The following UNC5C variants were observed in gnomAD, a reference collection of about 807,000 sequenced individuals.
The protein encoded by UNC5C is unc-5 netrin receptor C, also known as netrin receptor UNC5C.
Under a neutral mutation model 99.8 loss-of-function variants are expected in UNC5C, and 47 were observed. The observed-to-expected ratio is 0.47, with a 90% CI of 0.37 to 0.60. The LOEUF is 0.60. UNC5C is among the 20% of genes least tolerant of loss of function. The pLI is 0.00. For synonymous variants in UNC5C, 487 were observed against 452.2 expected (o/e 1.08, Z -0.98); for missense variants, 1,062 against 1,165.9 (o/e 0.91, Z 1.30).
intron 12 of UNC5C, among the ~76,000 whole-genome samples, chr4:95,198,397 T>A (rs1306830320): frequency 6.6e-6 from 1 of 152,104 alleles, no homozygotes; most frequent in East Asian, 1.9e-4. Context: ...CAGGTGGAGA[T>A]CTTGGCAGTG....
chr4:95,358,277 A>G (rs1744279067), intron 1 of UNC5C, among the ~76,000 whole-genome samples: 1 of 152,150 alleles, frequency 6.6e-6, no homozygotes, highest in African/African-American at 2.4e-5. Context: ...TTAAAATCAT[A>G]GTTTCCTTGT....
chr4:95,216,889 T>C (rs1363923660), intron 9 of UNC5C, among the ~76,000 whole-genome samples: 1 of 152,218 alleles, frequency 6.6e-6, no homozygotes, highest in Non-Finnish European at 1.5e-5. Flanking sequence ...AAACCACAGA[T>C]TACTGGTCCC....
intron 1 of UNC5C, among the ~76,000 whole-genome samples, chr4:95,359,512 T>C (rs1301001013): frequency 6.6e-6 from 1 of 152,074 alleles, no homozygotes; most frequent in African/African-American, 2.4e-5. Flanking sequence ...GAGAGAAGTT[T>C]TCTTTATGAA....
At chr4:95,538,171 T>G (rs559144367) in intron 1 of UNC5C, among the ~76,000 whole-genome samples, 46 of 152,310 alleles carry the variant, frequency 3.0e-4, no homozygotes, top group African/African-American at 1.1e-3. Flanking sequence ...ATGTATGTAG[T>G]TTTAGGGAAA....
At chr4:95,212,155 T>C (rs1447607753) in intron 10 of UNC5C, among the ~76,000 whole-genome samples, 4 of 152,206 alleles carry the variant, frequency 2.6e-5, no homozygotes, top group African/African-American at 9.7e-5. Context: ...TTATATTTAA[T>C]AGATGTATAT....
chr4:95,242,528 T>G lies in UNC5C; in HGVS notation c.1009A>C (p.Arg337=). The part of the protein sequence containing the change: ...TCGTECTHWR[R]RECTAPAPKN... ...GGGGCTGGCGCCGTGCACTCCCTCC[T>G]GCGCCAGTGGGTGCACTCAGTTCCA... Residue 337 remains arginine (R), a synonymous_variant, in exon 7 of 16, where the codon AGG becomes CGG. Coordinates refer to ENST00000453304, the MANE Select transcript of UNC5C (RefSeq NM_003728.4). The G allele has an allele frequency of 6.2e-7, 1 of 1,612,702 alleles. No individual in the cohort carries two copies. The highest frequency in any genetic ancestry group is 2.2e-5 in the East Asian group (1 of 44,842).
intron 7 of UNC5C, among the ~76,000 whole-genome samples, chr4:95,236,109 A>C (rs1225293326): frequency 1.3e-5 from 2 of 152,234 alleles, no homozygotes; most frequent in Non-Finnish European, 2.9e-5. Flanking sequence ...ATTATAAATC[A>C]TGCTGCTATA....
chr4:95,407,589 G>A (rs557786015), intron 1 of UNC5C, among the ~76,000 whole-genome samples: 1 of 152,260 alleles, frequency 6.6e-6, no homozygotes, highest in South Asian at 2.1e-4. Flanking sequence ...GAAGCACTTA[G>A]GGATACATTA....
At chr4:95,250,428 T>A in intron 5 of UNC5C, 59 bp downstream of exon 5, 1 of 1,537,600 alleles carries the variant, frequency 6.5e-7, no homozygotes, top group Non-Finnish European at 8.8e-7. Flanking sequence ...GCTTTACCGA[T>A]GCCAACGAGA....
chr4:95,248,999 C>CTT (rs111561358), intron 5 of UNC5C, among the ~76,000 whole-genome samples: 3 of 151,558 alleles, frequency 2.0e-5, no homozygotes, highest in African/African-American at 7.3e-5. Flanking sequence ...ACAGGTTTAT[C>CTT]TTTTTTTTTA....
chr4:95,386,497 G>A (rs1579375306), intron 1 of UNC5C, among the ~76,000 whole-genome samples: 2 of 152,068 alleles, frequency 1.3e-5, no homozygotes, highest in South Asian at 4.1e-4. Context: ...CTTTTGATCT[G>A]CTCACATATT....
chr4:95,463,955 G>A (rs79541679), intron 1 of UNC5C, among the ~76,000 whole-genome samples: 40 of 152,274 alleles, frequency 2.6e-4, no homozygotes, highest in African/African-American at 9.6e-4. Flanking sequence ...AAATAATGAA[G>A]CATTTTAATA....
chr4:95,384,000 C>T (rs1449687221), intron 1 of UNC5C, among the ~76,000 whole-genome samples: 1 of 152,012 alleles, frequency 6.6e-6, no homozygotes, highest in Non-Finnish European at 1.5e-5. Context: ...TATTTTACTT[C>T]AATACTAAAC....
chr4:95,363,915 G>C (rs890900185), intron 1 of UNC5C, among the ~76,000 whole-genome samples: 4 of 152,134 alleles, frequency 2.6e-5, no homozygotes, highest in Non-Finnish European at 5.9e-5. Flanking sequence ...TCACACTTCT[G>C]GGGGAAGCAA....
intron 1 of UNC5C, among the ~76,000 whole-genome samples, chr4:95,372,659 C>T (rs1207814097): frequency 6.6e-6 from 1 of 151,970 alleles, no homozygotes; most frequent in South Asian, 2.1e-4. Flanking sequence ...AATGAGTATT[C>T]GTTCCACATT....
At chr4:95,273,843 G>C (rs1054512344) in intron 4 of UNC5C, among the ~76,000 whole-genome samples, 2 of 151,992 alleles carry the variant, frequency 1.3e-5, no homozygotes, top group African/African-American at 4.8e-5. Context: ...TTGGAACCTT[G>C]CCCTCAGGGT....
chr4:95,348,891 A>G (rs1282508156), intron 1 of UNC5C, among the ~76,000 whole-genome samples: 2 of 151,254 alleles, frequency 1.3e-5, no homozygotes, highest in African/African-American at 4.8e-5. Context: ...ACAGGTTCAC[A>G]CATATTTGTG....
chr4:95,296,571 A>G (rs895690606), intron 3 of UNC5C, among the ~76,000 whole-genome samples: 18 of 152,190 alleles, frequency 1.2e-4, no homozygotes, highest in Non-Finnish European at 2.5e-4. Flanking sequence ...CAAATTACTG[A>G]AAATTGAAGG....
At chr4:95,435,856 A>G (rs1746765792) in intron 1 of UNC5C, among the ~76,000 whole-genome samples, 2 of 152,012 alleles carry the variant, frequency 1.3e-5, no homozygotes, top group South Asian at 4.1e-4. Context: ...CAGTTTTATT[A>G]GGCTTCTATA....
Sources: gnomAD v4.1 joint callset for allele counts (sites outside exome capture counted in the v4.1 genomes callset) on GRCh38, gnomAD v4.1.1 for gene constraint, MANE v1.5 for transcripts, NCBI Gene and HGNC (gene_info 2026-07-23, HGNC 2026-07-21) for gene names.